The following FRMD4A variants were observed in gnomAD, a reference collection of about 807,000 sequenced individuals.
FRMD4A encodes the protein FERM domain containing 4A.
In FRMD4A, 29 loss-of-function variants were observed where a neutral mutation model predicts 129.1. The observed-to-expected ratio is 0.22, with a 90% CI of 0.17 to 0.31. The LOEUF (loss-of-function observed/expected upper bound fraction) is 0.31, where lower values mean the gene tolerates loss of function less well. FRMD4A is among the 10% of genes least tolerant of loss of function. The pLI is 1.00. For synonymous variants in FRMD4A, 634 were observed against 571.6 expected (o/e 1.11, Z -1.56); for missense variants, 1,272 against 1,375.8 (o/e 0.92, Z 1.19).
chr10:14,172,381 A>G (rs1429533792), intron 2 of FRMD4A, among the ~76,000 whole-genome samples: 1 of 152,186 alleles, frequency 6.6e-6, no homozygotes, highest in Non-Finnish European at 1.5e-5. Flanking sequence ...TGATAAATAT[A>G]ATATGTGAGC....
intron 12 of FRMD4A, chr10:13,707,782 C>CCGGAAGGA (rs2087618989): frequency 1.0e-6 from 1 of 985,320 alleles, no homozygotes; most frequent in Non-Finnish European, 1.2e-6. Context: ...GTTCTGTCGC[C>CCGGAAGGA]CGGAAGGACG....
intron 2 of FRMD4A, among the ~76,000 whole-genome samples, chr10:14,135,057 G>A (rs1839466660): frequency 6.6e-6 from 1 of 152,100 alleles, no homozygotes; most frequent in Non-Finnish European, 1.5e-5. Context: ...TTCCATAATT[G>A]TTTCATGAAG....
chr10:13,691,006 G>C (rs2085636795), intron 15 of FRMD4A, among the ~76,000 whole-genome samples: 1 of 152,148 alleles, frequency 6.6e-6, no homozygotes, highest in Admixed American at 6.5e-5. Context: ...GTGTGTGAGA[G>C]AGACACAGTC....
At chr10:14,119,036 G>T (rs1838352755) in intron 2 of FRMD4A, among the ~76,000 whole-genome samples, 1 of 152,202 alleles carries the variant, frequency 6.6e-6, no homozygotes, top group Non-Finnish European at 1.5e-5. Context: ...GTAGGCCTTT[G>T]TTGGAGGAGG....
intron 6 of FRMD4A, among the ~76,000 whole-genome samples, chr10:13,773,815 T>C (rs553822145): frequency 8.8e-4 from 134 of 152,314 alleles, no homozygotes; most frequent in African/African-American, 3.1e-3. Context: ...TCCTGTCTCA[T>C]GGGACAAGTC....
chr10:13,847,373 G>A (rs1039226806), intron 3 of FRMD4A, among the ~76,000 whole-genome samples: 2 of 152,196 alleles, frequency 1.3e-5, no homozygotes, highest in African/African-American at 4.8e-5. Context: ...GGGAAGGCCC[G>A]CTGGGGTAGA....
rs1481411311 is a variant in FRMD4A, at chr10:13,657,207, G to A, written c.2382C>T (p.Gly794=). 8 of 1,543,246 alleles carry A rather than the reference G, an allele frequency of 5.2e-6. No homozygotes were observed. The highest frequency in any genetic ancestry group is 6.1e-6 in the Non-Finnish European group (7 of 1,151,078). Residue 794 remains glycine (G), a synonymous_variant, in exon 22 of 25, where the codon GGC becomes GGT. Transcript: ENST00000357447. ...TGGGCATGCTGCCCGAGCTGGCTGA[G>A]CCCAGTGCGCCCGCCGCCCGCTGCC... ...RQRQRAAGAL[G]SASSGSMPNL...
intron 14 of FRMD4A, among the ~76,000 whole-genome samples, chr10:13,695,421 G>A (rs779499097): frequency 1.3e-5 from 2 of 152,202 alleles, no homozygotes; most frequent in Non-Finnish European, 1.5e-5. Flanking sequence ...GATTACAGGC[G>A]TGAGCCACCG....
intron 9 of FRMD4A, among the ~76,000 whole-genome samples, chr10:13,743,045 G>A (rs2091097963): frequency 6.6e-6 from 1 of 152,142 alleles, no homozygotes; most frequent in South Asian, 2.1e-4. Context: ...GAGAGGTCTT[G>A]ATAAAGAAGG....
rs74122392 is a variant in FRMD4A at position 14,185,757 on chromosome 10, G to C, written c.45+144301C>G. 5.7e-3 allele frequency among the ~76,000 whole-genome samples: 868 copies of C among 152,308 alleles called. 9 individuals carry two copies. The highest frequency in any genetic ancestry group is 0.02 in the African/African-American group (828 of 41,558). On this transcript the variant is annotated intron_variant, in intron 2 of 24. Transcript: ENST00000357447. ...ATGGCAACAGCAGTAGACCAGGCTA[G>C]TACCAGCCAAAGCAACAGATACGTA... is the stretch of plus-strand genomic sequence containing the variant.
chr10:14,317,403 C>T (rs1048856002), intron 2 of FRMD4A, among the ~76,000 whole-genome samples: 9 of 152,196 alleles, frequency 5.9e-5, no homozygotes, highest in African/African-American at 1.9e-4. Flanking sequence ...CACCTATAAT[C>T]CTCCAGAACC....
intron 2 of FRMD4A, among the ~76,000 whole-genome samples, chr10:14,011,188 A>G (rs2446588): frequency 0.74 from 113,145 of 152,162 alleles, 43,898 homozygotes; most frequent in Non-Finnish European, 0.87. Context: ...AGATACATCC[A>G]TTGAACCCAA....
rs5783344 is a variant in FRMD4A, at chr10:13,700,865, T to TA, written c.975+474dup. ...TTTTTTAACGTTTCCAGTTTTGCAT[T>TA]AAAAAAAAAAAAATGGAGTTGGCAG... On this transcript the variant is annotated intron_variant, in intron 14 of 24. Transcript: ENST00000357447. Among the ~76,000 whole-genome samples the TA allele has an allele frequency of 6.1e-3, 709 of 115,900 alleles. 7 individuals are homozygous for TA. The highest frequency in any genetic ancestry group is 0.023 in the African/African-American group (682 of 29,690). The allele number at this position is 115,900 out of a possible 152,430, so 76.0% of individuals were successfully genotyped here.
chr10:14,227,894 T>A (rs1253358699), intron 2 of FRMD4A, among the ~76,000 whole-genome samples: 2 of 151,942 alleles, frequency 1.3e-5, no homozygotes, highest in Non-Finnish European at 2.9e-5. Flanking sequence ...TTTTTTCTTT[T>A]AACGGAGTCT....
At chr10:14,282,784 CT>C (rs1845563813) in intron 2 of FRMD4A, among the ~76,000 whole-genome samples, 1 of 152,154 alleles carries the variant, frequency 6.6e-6, no homozygotes, top group Non-Finnish European at 1.5e-5. Flanking sequence ...GATCATTTAG[CT>C]GTGGTGAAAA....
rs2085973389 is a variant in FRMD4A at position 13,693,954 on chromosome 10, T to C, written c.1061A>G (p.Asn354Ser). 2 of 1,598,026 alleles carry C rather than the reference T, an allele frequency of 1.3e-6. No homozygotes were observed. Among genetic ancestry groups the C allele is most frequent in the African/African-American group, 1.4e-5 (1 of 73,974 alleles). Residue 354 changes from asparagine (N) to serine (S), a missense_variant, in exon 15 of 25, where the codon AAC becomes AGC. Asn to Ser is a conservative substitution (Grantham distance 46). This residue lies in a region of FRMD4A where 300 missense variants were observed against 483.6 expected (regional missense o/e 0.62). Coordinates refer to ENST00000357447, the MANE Select transcript of FRMD4A (RefSeq NM_018027.5). The part of the protein sequence containing the change: ...TGTLKTSKLA[N>S]MGSKGKIISG... Reference sequence around the variant, plus strand: ...GATGATCTTCCCCTTGCTACCCATGTTGGCCAGCTTCGAGGTCTTCAGCGT... The same window carrying C: ...GATGATCTTCCCCTTGCTACCCATGCTGGCCAGCTTCGAGGTCTTCAGCGT...
intron 2 of FRMD4A, among the ~76,000 whole-genome samples, chr10:13,895,381 C>A (rs11258712): frequency 6.6e-6 from 1 of 152,186 alleles, no homozygotes; most frequent in African/African-American, 2.4e-5. Context: ...TAATGGCCTA[C>A]AGCTCCATCC....
intron 2 of FRMD4A, among the ~76,000 whole-genome samples, chr10:14,166,304 T>C (rs1841173868): frequency 6.6e-6 from 1 of 151,864 alleles, no homozygotes; most frequent in Non-Finnish European, 1.5e-5. Flanking sequence ...ATATTACTAT[T>C]GTTCATGTGT....
intron 2 of FRMD4A, among the ~76,000 whole-genome samples, chr10:14,303,090 A>G (rs1846238083): frequency 6.6e-6 from 1 of 152,204 alleles, no homozygotes; most frequent in Non-Finnish European, 1.5e-5. Context: ...GCTGCATGGT[A>G]GAACTCCCTA....
Sources: gnomAD v4.1 joint callset for allele counts (sites outside exome capture counted in the v4.1 genomes callset) on GRCh38, gnomAD v4.1.1 for gene constraint, gnomAD v4.1.1 regional missense constraint, MANE v1.5 for transcripts, NCBI Gene and HGNC (gene_info 2026-07-23, HGNC 2026-07-21) for gene names.